LRIG2: variants seen among roughly 807,000 people sequenced by gnomAD.
LRIG2 encodes leucine rich repeats and immunoglobulin like domains 2.
A neutral mutation model predicts 107.8 loss-of-function variants in LRIG2; 93 were observed. That is an observed-to-expected ratio of 0.86 (90% CI 0.73 to 1.03). LRIG2 has a LOEUF of 1.03. Ranked by LOEUF, LRIG2 falls within the 50% of genes least tolerant of loss-of-function variation. The pLI, the probability that LRIG2 is intolerant of heterozygous loss-of-function variation, is 0.00. For missense variants in LRIG2, 1,226 were observed against 1,296.0 expected (o/e 0.95, Z 0.83); for synonymous variants, 471 against 470.6 (o/e 1.00, Z -0.01).
chr1:113,099,244 C>CTTTTTTCTTT (rs1553228729), intron 9 of LRIG2, among the ~76,000 whole-genome samples: 10 of 117,922 alleles, frequency 8.5e-5, no homozygotes, highest in South Asian at 2.8e-4. Flanking sequence ...TGGTTTTTTT[C>CTTTTTTCTTT]TTTTTTTTTT....
intron 11 of LRIG2, among the ~76,000 whole-genome samples, chr1:113,104,977 C>T (rs1391320790): frequency 6.6e-6 from 1 of 152,038 alleles, no homozygotes; most frequent in Non-Finnish European, 1.5e-5. Flanking sequence ...GAAACCCTGT[C>T]TCTACTAAAA....
Position 113,078,748 on chromosome 1 carries a change from C to T in LRIG2, c.239+5103C>T, listed in dbSNP as rs7518592. On this transcript the variant is annotated intron_variant, in intron 1 of 17. Coordinates refer to ENST00000361127, the MANE Select transcript of LRIG2 (RefSeq NM_014813.3). ...CTCCACTTCCCAGGTTCAAACGCTTCTCCTGCCTCAGCCTCCCGAGTAGCT... is the reference window on the plus strand; with the variant it reads ...CTCCACTTCCCAGGTTCAAACGCTTTTCCTGCCTCAGCCTCCCGAGTAGCT... Among the ~76,000 whole-genome samples the T allele has an allele frequency of 2.6e-3, 394 of 151,544 alleles. 2 individuals are homozygous for T. Among genetic ancestry groups the T allele is most frequent in the African/African-American group, 9.0e-3 (372 of 41,282 alleles).
Position 113,128,233 on chromosome 1 carries a change from C to T in LRIG2, c.*4132C>T, listed in dbSNP as rs572576726. ...ACTGCCACACCTTTTTATGTCTTTA[C>T]TATGTCAGCCTCTGATCATTTTCAC... is the stretch of plus-strand genomic sequence containing the variant. On this transcript the variant is annotated 3_prime_UTR_variant, in exon 18 of 18. Transcript: ENST00000361127. 6.6e-6 allele frequency: 1 copy of T among 152,246 alleles called. No homozygotes were observed. Among genetic ancestry groups the T allele is most frequent in the South Asian group, 2.1e-4 (1 of 4,824 alleles). 9.4% of individuals were successfully genotyped at this position (152,246 alleles called of 1,614,324 possible). A position where few individuals can be genotyped will look rare whatever the true frequency, so the allele number is the denominator to read the frequency against.
At chr1:113,080,361 AT>A (rs1444054746) in intron 1 of LRIG2, among the ~76,000 whole-genome samples, 2 of 150,366 alleles carry the variant, frequency 1.3e-5, no homozygotes, top group African/African-American at 4.9e-5. Flanking sequence ...ACCCATTCTA[AT>A]TTGCTTCTGG....
intron 1 of LRIG2, among the ~76,000 whole-genome samples, chr1:113,079,194 A>G (rs1653137376): frequency 6.6e-6 from 1 of 151,980 alleles, no homozygotes; most frequent in Admixed American, 6.6e-5. Context: ...AAAAAAGTGC[A>G]ACAGTTAGCC....
intron 11 of LRIG2, among the ~76,000 whole-genome samples, chr1:113,104,522 C>CT (rs796145930): frequency 0.019 from 2,762 of 145,278 alleles, 90 homozygotes; most frequent in African/African-American, 0.061. Flanking sequence ...AAATAAAAGT[C>CT]TTTTTTTTTT....
intron 11 of LRIG2, 41 bp downstream of exon 11, chr1:113,100,529 G>A: frequency 8.6e-7 from 1 of 1,160,396 alleles, no homozygotes. Context: ...TTGGATCATT[G>A]TTCCTGCTTG....
intron 2 of LRIG2, among the ~76,000 whole-genome samples, chr1:113,091,713 A>T (rs1208268785): frequency 6.6e-6 from 1 of 152,164 alleles, no homozygotes; most frequent in East Asian, 1.9e-4. Context: ...TAACCTTTTT[A>T]AATGTCTTGA....
intron 3 of LRIG2, 46 bp downstream of exon 3, chr1:113,093,326 A>G (rs1267045205): frequency 7.8e-6 from 12 of 1,548,172 alleles, no homozygotes; most frequent in Non-Finnish European, 1.1e-5. Context: ...TATGAAAAGT[A>G]TACATTTTTT....
At position 113,120,970 on chromosome 1, in the gene LRIG2, A is replaced by C. The variant is rs369968643; in HGVS notation, c.2971+1447A>C. Among the ~76,000 whole-genome samples, 12 of 151,716 alleles carry C rather than the reference A, an allele frequency of 7.9e-5. No individual in the cohort carries two copies. In the South Asian group the frequency reaches 1.3e-3, roughly 16 times the overall value. ...AGTAGCTGGGATTACAGGCATGTGC[A>C]ACCACAACCGGCTAATTTTTTGTAT... On this transcript the variant is annotated intron_variant, in intron 17 of 17. Transcript: ENST00000361127.
chr1:113,109,725 G>C (rs1317290122), intron 12 of LRIG2, among the ~76,000 whole-genome samples: 1 of 152,072 alleles, frequency 6.6e-6, no homozygotes, highest in Non-Finnish European at 1.5e-5. Flanking sequence ...CGCCGTGTTG[G>C]TCAGGCTGGT....
At chr1:113,122,503 A>G (rs1295554710) in intron 17 of LRIG2, among the ~76,000 whole-genome samples, 1 of 152,230 alleles carries the variant, frequency 6.6e-6, no homozygotes, top group Non-Finnish European at 1.5e-5. Flanking sequence ...ATGCATCAAC[A>G]GTAAATCCAC....
intron 14 of LRIG2, among the ~76,000 whole-genome samples, chr1:113,113,729 A>C (rs1489551530): frequency 6.6e-6 from 1 of 151,666 alleles, no homozygotes; most frequent in Non-Finnish European, 1.5e-5. Context: ...CGCCCAGCTA[A>C]TTTTTGTATT....
At chr1:113,096,613 T>C (rs957591540) in intron 8 of LRIG2, among the ~76,000 whole-genome samples, 3 of 152,210 alleles carry the variant, frequency 2.0e-5, no homozygotes, top group East Asian at 3.8e-4. Flanking sequence ...GCATGTCTTA[T>C]TGTGTTAGTT....
In LRIG2 at chr1:113,126,591, C is replaced by T. The variant is rs535911624; in HGVS notation, c.*2490C>T. Reference sequence around the variant, plus strand: ...GATCCCTACATTGAATCTGAAATTACCACTATATGGATTACTCTGGCTCAC... The same window carrying T: ...GATCCCTACATTGAATCTGAAATTATCACTATATGGATTACTCTGGCTCAC... On this transcript the variant is annotated 3_prime_UTR_variant, in exon 18 of 18. Transcript: ENST00000361127. 1 of 152,376 alleles carries T rather than the reference C, an allele frequency of 6.6e-6. No individual in the cohort carries two copies. Among genetic ancestry groups the T allele is most frequent in the Non-Finnish European group, 1.5e-5 (1 of 68,034 alleles). 9.4% of individuals were successfully genotyped at this position (152,376 alleles called of 1,614,324 possible).
chr1:113,121,597 G>A (rs1354110119), intron 17 of LRIG2, among the ~76,000 whole-genome samples: 1 of 152,090 alleles, frequency 6.6e-6, no homozygotes, highest in Non-Finnish European at 1.5e-5. Context: ...TTAAAAATTA[G>A]CTGGGCGTGG....
At chr1:113,084,707 T>A (rs2101023076) in intron 1 of LRIG2, among the ~76,000 whole-genome samples, 1 of 152,354 alleles carries the variant, frequency 6.6e-6, no homozygotes, top group Admixed American at 6.5e-5. Flanking sequence ...AGAAAATACA[T>A]TTCCTTCATC....
intron 6 of LRIG2, among the ~76,000 whole-genome samples, chr1:113,095,419 G>A (rs1416433478): frequency 6.6e-6 from 1 of 151,210 alleles, no homozygotes; most frequent in Non-Finnish European, 1.5e-5. Context: ...TTTTTTTGTT[G>A]TCGTTGTTGA....
At chr1:113,105,040 G>C (rs1557910946) in intron 11 of LRIG2, among the ~76,000 whole-genome samples, 1 of 152,100 alleles carries the variant, frequency 6.6e-6, no homozygotes, top group Non-Finnish European at 1.5e-5. Flanking sequence ...CAGCTACTCA[G>C]GTGGCTGAGG....
Sources: gnomAD v4.1 joint callset for allele counts (sites outside exome capture counted in the v4.1 genomes callset) on GRCh38, gnomAD v4.1.1 for gene constraint, MANE v1.5 for transcripts, NCBI Gene and HGNC (gene_info 2026-07-23, HGNC 2026-07-21) for gene names.